The following GFRA1 variants were observed in gnomAD, a reference collection of about 807,000 sequenced individuals.
The protein encoded by GFRA1 is GDNF family receptor alpha 1, also known as GDNF family receptor alpha-1.
In GFRA1, 16 loss-of-function variants were observed where a neutral mutation model predicts 51.6. The ratio of observed to expected loss-of-function variants is 0.31; its 90% CI spans 0.21 to 0.47. GFRA1 has a LOEUF of 0.47. GFRA1 is among the 20% of genes least tolerant of loss of function. The probability of loss-of-function intolerance (pLI) is 1.00; values close to 1 mark genes in which losing one functional copy is unlikely to be tolerated. For synonymous variants in GFRA1, 270 were observed against 241.3 expected (o/e 1.12, Z -1.10); for missense variants, 530 against 594.3 (o/e 0.89, Z 1.13).
At chr10:116,074,839 A>G (rs1187137362) in intron 9 of GFRA1, among the ~76,000 whole-genome samples, 1 of 152,214 alleles carries the variant, frequency 6.6e-6, no homozygotes, top group Admixed American at 6.5e-5. Flanking sequence ...TGCAGAACCT[A>G]TTATTCAGGG....
chr10:116,256,156 T>C (rs990296377), intron 4 of GFRA1, among the ~76,000 whole-genome samples: 2 of 152,136 alleles, frequency 1.3e-5, no homozygotes, highest in Admixed American at 6.5e-5. Context: ...CATTTACACA[T>C]ACAGGACCTA....
intron 6 of GFRA1, among the ~76,000 whole-genome samples, chr10:116,119,432 G>A (rs957507141): frequency 6.6e-6 from 1 of 152,122 alleles, no homozygotes; most frequent in African/African-American, 2.4e-5. Flanking sequence ...AAATGAACTG[G>A]AAAATGTTTT....
intron 5 of GFRA1, among the ~76,000 whole-genome samples, chr10:116,207,736 G>A (rs966550870): frequency 1.2e-4 from 18 of 152,086 alleles, no homozygotes; most frequent in Admixed American, 4.6e-4. Flanking sequence ...GTCTTGATGA[G>A]CATAATTTGC....
intron 6 of GFRA1, among the ~76,000 whole-genome samples, chr10:116,121,837 C>A (rs1425059119): frequency 1.3e-5 from 2 of 152,134 alleles, no homozygotes; most frequent in Admixed American, 6.5e-5. Flanking sequence ...ACCTCCAGCT[C>A]CAGCTAGTAC....
intron 4 of GFRA1, among the ~76,000 whole-genome samples, chr10:116,238,424 A>T (rs72641368): frequency 0.014 from 2,100 of 152,318 alleles, 111 homozygotes; most frequent in East Asian, 0.11. Context: ...GAAGGGCCAG[A>T]CTTAAAACAA....
chr10:116,210,164 A>G (rs1447776122), intron 5 of GFRA1, among the ~76,000 whole-genome samples: 1 of 152,204 alleles, frequency 6.6e-6, no homozygotes, highest in Non-Finnish European at 1.5e-5. Flanking sequence ...GCAGTCTGGT[A>G]AGCCATTTTT....
intron 6 of GFRA1, among the ~76,000 whole-genome samples, chr10:116,116,384 T>C (rs960768425): frequency 1.3e-5 from 2 of 152,240 alleles, no homozygotes; most frequent in Non-Finnish European, 2.9e-5. Flanking sequence ...TTAGAGCTGG[T>C]TGTTGCTCTG....
At position 116,058,217 on chromosome 10, in the gene GFRA1, T is replaced by C. The variant is rs934025892; in HGVS notation, c.*6181A>G. On this transcript the variant is annotated 3_prime_UTR_variant, in exon 11 of 11. Coordinates refer to ENST00000355422, the MANE Select transcript of GFRA1 (RefSeq NM_005264.8). ...CAGGACATCCACTGGATTTTCTAAT[T>C]CTTCTTCCTACTTCACTCTAGTCTT... The C allele has an allele frequency of 6.6e-6, 1 of 152,248 alleles. No homozygotes were observed. Among genetic ancestry groups the C allele is most frequent in the South Asian group, 2.1e-4 (1 of 4,832 alleles). The allele number at this position is 152,248 out of a possible 1,614,324, so 9.4% of individuals were successfully genotyped here. A position where few individuals can be genotyped will look rare whatever the true frequency, so the allele number is the denominator to read the frequency against.
At chr10:116,247,867 A>G (rs1341732883) in intron 4 of GFRA1, among the ~76,000 whole-genome samples, 2 of 152,334 alleles carry the variant, frequency 1.3e-5, no homozygotes, top group African/African-American at 4.8e-5. Context: ...GTTCCCCATC[A>G]TATCTCCAAT....
At chr10:116,254,435 G>A (rs1021092293) in intron 4 of GFRA1, among the ~76,000 whole-genome samples, 4 of 151,730 alleles carry the variant, frequency 2.6e-5, no homozygotes, top group Non-Finnish European at 5.9e-5. Flanking sequence ...ACTTTGAGAG[G>A]CCAAGGCAGG....
intron 4 of GFRA1, among the ~76,000 whole-genome samples, chr10:116,236,029 C>T (rs1028480940): frequency 5.3e-5 from 8 of 152,162 alleles, no homozygotes; most frequent in African/African-American, 1.7e-4. Flanking sequence ...CTCTGTGAGC[C>T]TTGTCACTAC....
chr10:116,146,111 T>C (rs1463258043), intron 5 of GFRA1, among the ~76,000 whole-genome samples: 1 of 152,108 alleles, frequency 6.6e-6, no homozygotes, highest in Non-Finnish European at 1.5e-5. Flanking sequence ...TGAGTATATA[T>C]GATAATTTTA....
chr10:116,215,758 G>T (rs1006941399), intron 4 of GFRA1, among the ~76,000 whole-genome samples: 1 of 152,146 alleles, frequency 6.6e-6, no homozygotes, highest in African/African-American at 2.4e-5. Context: ...AGAGACACTT[G>T]TAAAGAGGAA....
At chr10:116,183,594 A>T (rs991865377) in intron 5 of GFRA1, among the ~76,000 whole-genome samples, 3 of 152,192 alleles carry the variant, frequency 2.0e-5, no homozygotes, top group African/African-American at 7.2e-5. Flanking sequence ...GGGAGGGTAG[A>T]GAACAGCACT....
intron 5 of GFRA1, among the ~76,000 whole-genome samples, chr10:116,157,751 T>C (rs898053470): frequency 2.6e-5 from 4 of 152,210 alleles, no homozygotes; most frequent in Admixed American, 6.5e-5. Context: ...TGGGAGTTCC[T>C]TGCTATAGAA....
chr10:116,239,467 G>T (rs1430984820), intron 4 of GFRA1, among the ~76,000 whole-genome samples: 1 of 152,062 alleles, frequency 6.6e-6, no homozygotes, highest in East Asian at 1.9e-4. Context: ...TTGATCTCAC[G>T]CAGAGGCAGT....
chr10:116,135,028 G>A (rs1200012484), intron 5 of GFRA1, among the ~76,000 whole-genome samples: 3 of 152,124 alleles, frequency 2.0e-5, no homozygotes, highest in Admixed American at 6.5e-5. Flanking sequence ...TTGGATCTCT[G>A]AAGTTTTCTA....
At chr10:116,267,208 T>C (rs1172992007) in intron 4 of GFRA1, among the ~76,000 whole-genome samples, 2 of 152,120 alleles carry the variant, frequency 1.3e-5, no homozygotes, top group Non-Finnish European at 2.9e-5. Flanking sequence ...CTCACACCTG[T>C]AATCCCAGCA....
At chr10:116,221,181 T>C (rs188523671) in intron 4 of GFRA1, among the ~76,000 whole-genome samples, 1 of 152,322 alleles carries the variant, frequency 6.6e-6, no homozygotes, top group Admixed American at 6.5e-5. Context: ...ATTCTCATTA[T>C]CTTCATTTTA....
Sources: allele counts gnomAD v4.1 joint callset (sites outside exome capture counted in the v4.1 genomes callset), GRCh38; gene constraint gnomAD v4.1.1; transcripts MANE v1.5; gene names NCBI Gene and HGNC (gene_info 2026-07-23, HGNC 2026-07-21).